FARS2: variants seen among roughly 807,000 people sequenced by gnomAD.
The protein encoded by FARS2 is phenylalanyl-tRNA synthetase 2, mitochondrial, also known as phenylalanine--tRNA ligase, mitochondrial.
Under a neutral mutation model 46.4 loss-of-function variants are expected in FARS2, and 40 were observed. The observed-to-expected ratio is 0.86, with a 90% CI of 0.67 to 1.12. FARS2 has a LOEUF of 1.12. Among genes scored for constraint, FARS2 ranks in the 50% most tolerant of loss-of-function variants. The pLI is 0.00. For synonymous variants in FARS2, 234 were observed against 214.9 expected (o/e 1.09, Z -0.78); for missense variants, 513 against 567.9 (o/e 0.90, Z 0.98).
At chr6:5,321,959 C>A (rs1770009492) in intron 1 of FARS2, among the ~76,000 whole-genome samples, 1 of 152,184 alleles carries the variant, frequency 6.6e-6, no homozygotes, top group South Asian at 2.1e-4. Context: ...TTATTTTCAA[C>A]CAGCTCTTGG....
rs1375538688 is a variant in FARS2, at chr6:5,311,110, G to A, written c.-22+49450G>A. On this transcript the variant is annotated intron_variant, in intron 1 of 6. Coordinates refer to ENST00000274680, the MANE Select transcript of FARS2 (RefSeq NM_006567.5). The surrounding 1 kb of genome is among the most constrained non-coding windows in gnomAD (Gnocchi z 4.1). The stretch of plus-strand genomic sequence containing the variant: ...GTCAGAACACATCAATGAGGCACTG[G>A]TTAAATAAATCATGGTGCATCCAGG... Among the ~76,000 whole-genome samples the A allele has an allele frequency of 2.6e-5, 4 of 152,208 alleles. No homozygotes were observed. The highest frequency in any genetic ancestry group is 4.4e-5 in the Non-Finnish European group (3 of 68,038).
intron 1 of FARS2, among the ~76,000 whole-genome samples, chr6:5,344,135 C>T (rs1757073957): frequency 6.6e-6 from 1 of 152,182 alleles, no homozygotes; most frequent in Non-Finnish European, 1.5e-5. Flanking sequence ...CAAGTGGCCT[C>T]CAGGTCCAGT....
intron 6 of FARS2, among the ~76,000 whole-genome samples, chr6:5,757,886 C>A (rs1374752709): frequency 6.6e-6 from 1 of 152,196 alleles, no homozygotes; most frequent in Non-Finnish European, 1.5e-5. Flanking sequence ...TTCAATTTTA[C>A]CAACACTGTG....
intron 6 of FARS2, among the ~76,000 whole-genome samples, chr6:5,687,153 G>A (rs529408520): frequency 1.3e-5 from 2 of 152,326 alleles, no homozygotes; most frequent in African/African-American, 4.8e-5. Context: ...TAGGTTGCCT[G>A]TTCATTCTGA....
At chr6:5,713,298 A>G (rs927320660) in intron 6 of FARS2, among the ~76,000 whole-genome samples, 6 of 152,248 alleles carry the variant, frequency 3.9e-5, no homozygotes, top group Admixed American at 3.9e-4. Context: ...AAAGTAATAC[A>G]GTACCCAGTT....
At chr6:5,335,565 C>T (rs1458714638) in intron 1 of FARS2, among the ~76,000 whole-genome samples, 1 of 152,032 alleles carries the variant, frequency 6.6e-6, no homozygotes, top group Non-Finnish European at 1.5e-5. Context: ...AACAAATATT[C>T]TTAGGTGAAT....
chr6:5,649,548 G>C (rs1263851470), intron 6 of FARS2, among the ~76,000 whole-genome samples: 1 of 152,180 alleles, frequency 6.6e-6, no homozygotes, highest in East Asian at 1.9e-4. Flanking sequence ...AGGATACTGT[G>C]GTGTTCGCCC....
At chr6:5,593,380 G>A (rs1774030484) in intron 5 of FARS2, among the ~76,000 whole-genome samples, 1 of 152,176 alleles carries the variant, frequency 6.6e-6, no homozygotes, top group African/African-American at 2.4e-5. Context: ...CAGTGCAGGG[G>A]CAAAGTGATA....
At chr6:5,308,217 C>T (rs1768854558) in intron 1 of FARS2, among the ~76,000 whole-genome samples, 5 of 152,096 alleles carry the variant, frequency 3.3e-5, no homozygotes, top group Admixed American at 3.3e-4. Context: ...GCCAGGGTGC[C>T]TGGATGTTTA....
chr6:5,374,445 T>G lies in FARS2; in HGVS notation c.612+5263T>G, dbSNP rs184360410. Among the ~76,000 whole-genome samples, 3 of 152,196 alleles carry G rather than the reference T, an allele frequency of 2.0e-5. No homozygotes were observed. The East Asian group carries it at 5.8e-4, about 29-fold the overall frequency. On this transcript the variant is annotated intron_variant, in intron 2 of 6. Transcript: ENST00000274680. ...ATTAAAGATAAAAGCATTCATTACA[T>G]GTAATAGAAAACTGAAAGCAATTAA... is the stretch of plus-strand genomic sequence containing the variant.
chr6:5,669,443 T>C (rs143425501), intron 6 of FARS2, among the ~76,000 whole-genome samples: 1 of 147,064 alleles, frequency 6.8e-6, no homozygotes, highest in East Asian at 2.0e-4. Context: ...CAAGGGTTAG[T>C]GTGCCTCAAG....
At chr6:5,423,110 G>A (rs149900766) in intron 3 of FARS2, among the ~76,000 whole-genome samples, 1 of 152,250 alleles carries the variant, frequency 6.6e-6, no homozygotes, top group Non-Finnish European at 1.5e-5. Context: ...AGGCTGGTGT[G>A]TGAGCCTTCT....
chr6:5,761,720 A>G (rs949663820), intron 6 of FARS2, among the ~76,000 whole-genome samples: 2 of 152,168 alleles, frequency 1.3e-5, no homozygotes, highest in Non-Finnish European at 2.9e-5. Context: ...TTAGAAATGT[A>G]AAAGGATGGC....
chr6:5,555,708 G>A (rs934397795), intron 5 of FARS2, among the ~76,000 whole-genome samples: 2 of 151,984 alleles, frequency 1.3e-5, no homozygotes, highest in African/African-American at 4.8e-5. Flanking sequence ...GTATTTCCAT[G>A]TGTATTTTTC....
intron 1 of FARS2, among the ~76,000 whole-genome samples, chr6:5,302,757 G>A (rs541004408): frequency 1.1e-4 from 16 of 152,166 alleles, no homozygotes; most frequent in African/African-American, 3.9e-4. Context: ...GGCAGGGAGA[G>A]TCGGCTCACG....
chr6:5,424,914 C>G (rs1762763309), intron 3 of FARS2, among the ~76,000 whole-genome samples: 1 of 152,152 alleles, frequency 6.6e-6, no homozygotes, highest in African/African-American at 2.4e-5. Context: ...ACAGTGGCGG[C>G]TGCACGATTT....
upstream of FARS2, among the ~76,000 whole-genome samples, chr6:5,260,410 G>T (rs889445397): frequency 1.3e-5 from 2 of 152,212 alleles, no homozygotes; most frequent in African/African-American, 4.8e-5. Flanking sequence ...CCTTTAGGGG[G>T]AAAACGTCAC....
chr6:5,418,977 C>A (rs1282285008), intron 3 of FARS2, among the ~76,000 whole-genome samples: 3 of 151,954 alleles, frequency 2.0e-5, no homozygotes, highest in Non-Finnish European at 4.4e-5. Context: ...TCATTTGAAT[C>A]GTTTGGCTAC....
intron 6 of FARS2, among the ~76,000 whole-genome samples, chr6:5,652,172 G>T (rs957825246): frequency 6.6e-6 from 1 of 152,164 alleles, no homozygotes; most frequent in East Asian, 1.9e-4. Context: ...CAGAGGCAAT[G>T]CCTAAAACAA....
Sources: allele counts gnomAD v4.1 joint callset (sites outside exome capture counted in the v4.1 genomes callset), GRCh38; gene constraint gnomAD v4.1.1; non-coding constraint Gnocchi (gnomAD v3.1); transcripts MANE v1.5; gene names NCBI Gene and HGNC (gene_info 2026-07-23, HGNC 2026-07-21).